Variants in NYAP2 observed in about 807,000 individuals in gnomAD.
NYAP2 encodes the protein neuronal tyrosine-phosphorylated phosphoinositide-3-kinase adaptor 2.
NYAP2 carries 23 observed loss-of-function variants against 50.4 expected under a neutral mutation model. The observed-to-expected ratio is 0.46, with a 90% confidence interval of 0.33 to 0.65. NYAP2 has a LOEUF of 0.65. Ranked by LOEUF, NYAP2 falls within the 30% of genes least tolerant of loss-of-function variation. NYAP2 has a pLI of 0.02. For synonymous variants in NYAP2, 394 were observed against 365.2 expected, an observed-to-expected ratio of 1.08 and a Z score of -0.90; for missense variants, 885 against 861.0, an observed-to-expected ratio of 1.03 and a Z score of -0.35.
intron 3 of NYAP2, among the ~76,000 whole-genome samples, chr2:225,412,255 C>CATTTTTTTT (rs1695055494): frequency 1.7e-5 from 1 of 59,128 alleles, no homozygotes; most frequent in Non-Finnish European, 3.3e-5. Flanking sequence ...CTGCGCCCGG[C>CATTTTTTTT]TTTTTTTTTT....
At chr2:225,552,359 A>G (rs1237578400) in intron 4 of NYAP2, among the ~76,000 whole-genome samples, 2 of 152,226 alleles carry the variant, frequency 1.3e-5, no homozygotes, top group African/African-American at 4.8e-5. Flanking sequence ...GAGGTAACTC[A>G]GGAATAATAA....
chr2:225,637,174 T>C (rs777449355), intron 6 of NYAP2, among the ~76,000 whole-genome samples: 3 of 152,202 alleles, frequency 2.0e-5, no homozygotes, highest in Non-Finnish European at 4.4e-5. Flanking sequence ...CTCGCCTGCC[T>C]TTTCCTTCAT....
chr2:225,425,011 A>G (rs1695265710), intron 3 of NYAP2, among the ~76,000 whole-genome samples: 1 of 152,234 alleles, frequency 6.6e-6, no homozygotes, highest in Non-Finnish European at 1.5e-5. Flanking sequence ...TTATAGAAAC[A>G]TTGGTTTTCT....
chr2:225,614,357 T>C (rs758142673), intron 5 of NYAP2, among the ~76,000 whole-genome samples: 2 of 152,222 alleles, frequency 1.3e-5, no homozygotes, highest in Non-Finnish European at 2.9e-5. Flanking sequence ...CTATTTTGAA[T>C]GAAAAACTAT....
intron 4 of NYAP2, among the ~76,000 whole-genome samples, chr2:225,581,512 G>A (rs1270082401): frequency 6.6e-6 from 1 of 152,156 alleles, no homozygotes; most frequent in Non-Finnish European, 1.5e-5. Context: ...CAGTAAAACA[G>A]TGCAATCTGT....
At chr2:225,492,523 T>C (rs1243664528) in intron 3 of NYAP2, among the ~76,000 whole-genome samples, 1 of 152,232 alleles carries the variant, frequency 6.6e-6, no homozygotes, top group Non-Finnish European at 1.5e-5. Flanking sequence ...TCTGATAATT[T>C]AGGTGTTATT....
chr2:225,638,232 G>C (rs1297502490), intron 6 of NYAP2, among the ~76,000 whole-genome samples: 1 of 151,566 alleles, frequency 6.6e-6, no homozygotes, highest in Non-Finnish European at 1.5e-5. Context: ...CAGAGAGAGA[G>C]AGACAGAGAG....
At chr2:225,664,765 A>G in the NYAP2 span, among the ~76,000 whole-genome samples, 2 of 152,090 alleles carry the variant, frequency 1.3e-5, no homozygotes, top group African/African-American at 4.8e-5. Flanking sequence ...AGTTCCAGCT[A>G]CTTGGGAGGC....
intron 5 of NYAP2, among the ~76,000 whole-genome samples, chr2:225,616,866 G>A (rs1233269812): frequency 1.3e-5 from 2 of 152,126 alleles, no homozygotes; most frequent in Non-Finnish European, 2.9e-5. Flanking sequence ...ACTTAGTTCA[G>A]TGCCTCCTTT....
the NYAP2 span, among the ~76,000 whole-genome samples, chr2:225,674,978 G>T: frequency 6.6e-6 from 1 of 151,950 alleles, no homozygotes; most frequent in Non-Finnish European, 1.5e-5. Context: ...AGGAAAGAAA[G>T]GATGAAATTC....
chr2:225,431,663 T>C (rs191969866), intron 3 of NYAP2, among the ~76,000 whole-genome samples: 146 of 152,336 alleles, frequency 9.6e-4, no homozygotes, highest in Middle Eastern at 3.4e-3. Context: ...TTCTCTTAAA[T>C]GAGCTTGTTT....
intron 3 of NYAP2, among the ~76,000 whole-genome samples, chr2:225,511,232 CGTCCACT>C (rs1690808053): frequency 6.6e-6 from 1 of 151,952 alleles, no homozygotes; most frequent in Non-Finnish European, 1.5e-5. Context: ...CTGCCCCTCA[CGTCCACT>C]ATCCCATCCT....
chr2:225,566,915 A>ATG lies in NYAP2; in HGVS notation c.524-15009_524-15008dup, dbSNP rs770779216. ...CTCGGTTTGAGGAACTTACAGTAAT[A>ATG]TGTGTGTGTGTGTGTGTGCGTGTGT... On this transcript the variant is annotated intron_variant, in intron 4 of 6. Transcript: ENST00000636099. Among the ~76,000 whole-genome samples the ATG allele has an allele frequency of 2.0e-3, 307 of 150,502 alleles. 2 individuals are homozygous for ATG. Among genetic ancestry groups the ATG allele is most frequent in the Non-Finnish European group, 2.6e-3 (177 of 67,404 alleles).
intron 6 of NYAP2, among the ~76,000 whole-genome samples, chr2:225,641,618 G>A (rs1164519550): frequency 2.0e-5 from 3 of 152,006 alleles, no homozygotes; most frequent in African/African-American, 7.3e-5. Context: ...TTCAAGACCA[G>A]CCTGGCCAAC....
the NYAP2 span, among the ~76,000 whole-genome samples, chr2:225,668,291 G>A: frequency 6.6e-6 from 1 of 152,088 alleles, no homozygotes; most frequent in Non-Finnish European, 1.5e-5. Context: ...AAAACTACAT[G>A]TGATGACCTT....
At chr2:225,526,534 T>G (rs975645211) in intron 4 of NYAP2, among the ~76,000 whole-genome samples, 1 of 152,232 alleles carries the variant, frequency 6.6e-6, no homozygotes. Flanking sequence ...CTGAATTTAT[T>G]TGGCTCTTCT....
intron 3 of NYAP2, among the ~76,000 whole-genome samples, chr2:225,444,513 CCACA>C (rs1405225700): frequency 6.6e-6 from 1 of 152,146 alleles, no homozygotes; most frequent in Admixed American, 6.6e-5. Context: ...CACATTCACA[CCACA>C]CACACAGACG....
chr2:225,582,899 C>A lies in NYAP2; in HGVS notation c.1482C>A (p.Thr494=). Residue 494 remains threonine, a synonymous_variant, in exon 5 of 7, where the codon ACC becomes ACA. Coordinates refer to ENST00000636099, the Ensembl canonical transcript of NYAP2. The surrounding 1 kb of genome is among the most constrained non-coding windows in gnomAD (Gnocchi z 7.0). ...AGATGGTCAACGCCGCGGTGAACAC[C>A]TACGGGGCAGCCCCGGGTGGCTCCC... is the stretch of plus-strand genomic sequence containing the variant. The A allele has an allele frequency of 6.2e-7, 1 of 1,613,472 alleles. No homozygotes were observed. Among genetic ancestry groups the A allele is most frequent in the Non-Finnish European group, 8.5e-7 (1 of 1,179,886 alleles).
At chr2:225,544,200 A>G (rs62188693) in intron 4 of NYAP2, among the ~76,000 whole-genome samples, 27,205 of 149,402 alleles carry the variant, frequency 0.18, 2,995 homozygotes, top group South Asian at 0.4. Context: ...TGTGTTTCTT[A>G]TAGAAAGCAG....
Sources: gnomAD v4.1 joint callset for allele counts (sites outside exome capture counted in the v4.1 genomes callset) on GRCh38, gnomAD v4.1.1 for gene constraint, Gnocchi (gnomAD v3.1) non-coding constraint, MANE v1.5 for transcripts, NCBI Gene and HGNC (gene_info 2026-07-23, HGNC 2026-07-21) for gene names.